COX7B2: variants seen among roughly 807,000 people sequenced by gnomAD.
The protein encoded by COX7B2 is cytochrome c oxidase subunit 7B2, mitochondrial.
For synonymous variants in COX7B2, 37 were observed against 32.1 expected, an observed-to-expected ratio of 1.15 and a Z score of -0.51; for missense variants, 109 against 95.9, an observed-to-expected ratio of 1.14 and a Z score of -0.57.
Position 46,888,737 on chromosome 4 carries a change from C to T in COX7B2, c.-105+20423G>A, listed in dbSNP as rs566554542. On this transcript the variant is annotated intron_variant, in intron 1 of 2. Coordinates refer to ENST00000355591, the MANE Select transcript of COX7B2 (RefSeq NM_130902.3). ...CTGGGATTACAGGCATGAGCCACCG[C>T]GCCCAGCCTATGTTTCTTAAACATT... is the stretch of plus-strand genomic sequence containing the variant. 6.5e-4 allele frequency among the ~76,000 whole-genome samples: 99 copies of T among 152,184 alleles called. 1 individual carries two copies. The highest frequency in any genetic ancestry group is 4.0e-3 in the Admixed American group (61 of 15,290).
chr4:46,813,720 A>G (rs1577597138), intron 2 of COX7B2, among the ~76,000 whole-genome samples: 8 of 152,344 alleles, frequency 5.3e-5, no homozygotes, highest in African/African-American at 1.4e-4. Context: ...CTTAAAATAA[A>G]AATAAAAAAG....
At chr4:46,831,138 C>T (rs1464977371) in intron 2 of COX7B2, among the ~76,000 whole-genome samples, 1 of 152,138 alleles carries the variant, frequency 6.6e-6, no homozygotes, top group Non-Finnish European at 1.5e-5. Context: ...TGGGAGTGGC[C>T]GGCCGGCCTG....
intron 1 of COX7B2, among the ~76,000 whole-genome samples, chr4:46,878,360 G>A (rs1167366206): frequency 6.6e-6 from 1 of 151,620 alleles, no homozygotes; most frequent in Non-Finnish European, 1.5e-5. Flanking sequence ...ATATTCTAAT[G>A]TATACTAAAA....
chr4:46,887,573 T>C (rs1719151561), intron 1 of COX7B2, among the ~76,000 whole-genome samples: 1 of 151,278 alleles, frequency 6.6e-6, no homozygotes, highest in Non-Finnish European at 1.5e-5. Context: ...TAGCCGGGCG[T>C]GGTGGCAGGC....
chr4:46,905,729 C>A (rs953885766), intron 1 of COX7B2, among the ~76,000 whole-genome samples: 1 of 151,728 alleles, frequency 6.6e-6, no homozygotes, highest in Non-Finnish European at 1.5e-5. Context: ...CCTCTCTGAG[C>A]CCTCAGTTTC....
At chr4:46,874,597 G>C (rs1157211140) in intron 1 of COX7B2, among the ~76,000 whole-genome samples, 1 of 151,994 alleles carries the variant, frequency 6.6e-6, no homozygotes, top group Non-Finnish European at 1.5e-5. Flanking sequence ...TATATTCTCA[G>C]TTACATTAAT....
chr4:46,895,080 G>A (rs1156444285), intron 1 of COX7B2, among the ~76,000 whole-genome samples: 11 of 152,238 alleles, frequency 7.2e-5, no homozygotes, highest in South Asian at 6.2e-4. Context: ...GCAGCGTTGC[G>A]ATTCCTCAAA....
At chr4:46,736,513 TAAAAC>T (rs1456905940) in intron 2 of COX7B2, among the ~76,000 whole-genome samples, 1 of 152,122 alleles carries the variant, frequency 6.6e-6, no homozygotes. Context: ...GGAACTCAGA[TAAAAC>T]AAATAAAAGT....
At chr4:46,828,042 G>A (rs1302700283) in intron 2 of COX7B2, among the ~76,000 whole-genome samples, 3 of 152,050 alleles carry the variant, frequency 2.0e-5, no homozygotes, top group Non-Finnish European at 2.9e-5. Flanking sequence ...ACTTGTCAAA[G>A]CTCATCAAAC....
At position 46,749,179 on chromosome 4, in the gene COX7B2, CAT is replaced by C. The variant is rs561955295; in HGVS notation, c.-49-13940_-49-13939del. On this transcript the variant is annotated intron_variant, in intron 2 of 2. Coordinates refer to ENST00000355591, the MANE Select transcript of COX7B2 (RefSeq NM_130902.3). ...TCATCCCAGTGAACAGCATCTCCAT[CAT>C]TTAGCTGAGCAAGTTAAATGTAGAA... 1.7e-3 allele frequency among the ~76,000 whole-genome samples: 252 copies of C among 152,292 alleles called. 1 individual carries two copies. The highest frequency in any genetic ancestry group is 2.5e-3 in the Non-Finnish European group (170 of 68,016).
intron 2 of COX7B2, among the ~76,000 whole-genome samples, chr4:46,832,911 T>A (rs955488532): frequency 6.6e-6 from 1 of 151,928 alleles, no homozygotes; most frequent in Non-Finnish European, 1.5e-5. Flanking sequence ...AGCCTTTTTT[T>A]TTTTCTTTTT....
intron 2 of COX7B2, among the ~76,000 whole-genome samples, chr4:46,760,701 G>T (rs559136532): frequency 6.6e-6 from 1 of 152,058 alleles, no homozygotes; most frequent in East Asian, 1.9e-4. Flanking sequence ...AGAACTTATA[G>T]TTAAAAAAGG....
rs776374967 is a variant in COX7B2, at chr4:46,754,724, G to GTATATATA, written c.-49-19484_-49-19483insTATATATA. Among the ~76,000 whole-genome samples, 135 of 46,812 alleles carry GTATATATA rather than the reference G, an allele frequency of 2.9e-3. 1 individual carries two copies. Among genetic ancestry groups the GTATATATA allele is most frequent in the Non-Finnish European group, 3.9e-3 (107 of 27,240 alleles). The allele number at this position is 46,812 out of a possible 152,430, so 30.7% of individuals were successfully genotyped here. On this transcript the variant is annotated intron_variant, in intron 2 of 2. Transcript: ENST00000355591. The stretch of plus-strand genomic sequence containing the variant: ...TGTGTGTGTGTGTGTGTGTGTGTGT[G>GTATATATA]TGTGTATATATATATATATATATAT...
At chr4:46,872,962 T>C (rs946107427) in intron 1 of COX7B2, among the ~76,000 whole-genome samples, 11 of 151,982 alleles carry the variant, frequency 7.2e-5, no homozygotes, top group African/African-American at 2.7e-4. Context: ...CCTAATGGTA[T>C]CCCTCCCCTA....
chr4:46,863,746 G>C (rs1717479626), intron 1 of COX7B2, among the ~76,000 whole-genome samples: 1 of 152,060 alleles, frequency 6.6e-6, no homozygotes, highest in South Asian at 2.1e-4. Context: ...CATATTGACT[G>C]ATGCTGAAAT....
chr4:46,741,559 C>A (rs1484198358), intron 2 of COX7B2, among the ~76,000 whole-genome samples: 1 of 151,968 alleles, frequency 6.6e-6, no homozygotes, highest in East Asian at 1.9e-4. Context: ...ATAGAGAAGG[C>A]AACTTAAAAT....
chr4:46,814,671 T>A (rs1316545091), intron 2 of COX7B2, among the ~76,000 whole-genome samples: 1 of 152,204 alleles, frequency 6.6e-6, no homozygotes, highest in South Asian at 2.1e-4. Flanking sequence ...TGGCAATGAA[T>A]GATTTTAATT....
intron 1 of COX7B2, among the ~76,000 whole-genome samples, chr4:46,858,773 A>G (rs1435812348): frequency 1.3e-5 from 2 of 152,142 alleles, no homozygotes; most frequent in Non-Finnish European, 2.9e-5. Flanking sequence ...ACAGCCTTAG[A>G]CTTCAGTAAC....
At chr4:46,761,728 T>G (rs1298885981) in intron 2 of COX7B2, among the ~76,000 whole-genome samples, 1 of 152,064 alleles carries the variant, frequency 6.6e-6, no homozygotes, top group Non-Finnish European at 1.5e-5. Context: ...GATGAATTGG[T>G]TTTTATTCTG....
Sources: gnomAD v4.1 joint callset for allele counts (sites outside exome capture counted in the v4.1 genomes callset) on GRCh38, gnomAD v4.1.1 for gene constraint, MANE v1.5 for transcripts, NCBI Gene and HGNC (gene_info 2026-07-23, HGNC 2026-07-21) for gene names.